ALX1: variants seen among roughly 807,000 people sequenced by gnomAD.
ALX1 encodes ALX homeobox protein 1.
Under a neutral mutation model 31.7 loss-of-function variants are expected in ALX1, and 19 were observed. The observed-to-expected ratio is 0.60, with a 90% CI of 0.42 to 0.88. The LOEUF is 0.88. ALX1 is among the 40% of genes least tolerant of loss of function. The pLI, the probability that ALX1 is intolerant of heterozygous loss-of-function variation, is 0.00. For synonymous variants in ALX1, 153 were observed against 148.8 expected (o/e 1.03, Z -0.20); for missense variants, 415 against 407.8 (o/e 1.02, Z -0.15).
chr12:85,287,447 T>C (rs934051083), intron 3 of ALX1, among the ~76,000 whole-genome samples: 2 of 149,504 alleles, frequency 1.3e-5, no homozygotes, highest in Admixed American at 6.6e-5. Context: ...GTGTCTCTTT[T>C]TCTATGTTTT....
At chr12:85,294,035 CAA>C (rs1338228448) in intron 3 of ALX1, among the ~76,000 whole-genome samples, 5 of 150,962 alleles carry the variant, frequency 3.3e-5, no homozygotes, top group Admixed American at 2.0e-4. Context: ...GTAGTTAATA[CAA>C]AGAGATGATG....
chr12:85,280,565 G>T, intron 1 of ALX1, 78 bp downstream of exon 1: 1 of 1,486,550 alleles, frequency 6.7e-7, no homozygotes, highest in African/African-American at 1.4e-5. Flanking sequence ...GATCAGGCAG[G>T]GAGGGAGAAA....
intron 3 of ALX1, among the ~76,000 whole-genome samples, chr12:85,292,767 A>T (rs976189533): frequency 1.3e-5 from 2 of 150,926 alleles, no homozygotes; most frequent in Non-Finnish European, 3.0e-5. Context: ...ATTAATCTTA[A>T]TGGTTGTCTT....
At chr12:85,284,831 A>C (rs926686408) in intron 2 of ALX1, among the ~76,000 whole-genome samples, 8 of 152,056 alleles carry the variant, frequency 5.3e-5, no homozygotes, top group Non-Finnish European at 1.2e-4. Context: ...GATTTTTGCA[A>C]TTCCCATAAA....
intron 3 of ALX1, among the ~76,000 whole-genome samples, chr12:85,289,781 T>C (rs552183502): frequency 8.6e-5 from 13 of 151,280 alleles, no homozygotes; most frequent in Admixed American, 4.0e-4. Flanking sequence ...CTTAAATATA[T>C]ACAAGATACT....
At chr12:85,291,627 T>C (rs1218760325) in intron 3 of ALX1, among the ~76,000 whole-genome samples, 1 of 151,218 alleles carries the variant, frequency 6.6e-6, no homozygotes, top group East Asian at 1.9e-4. Context: ...TTGACATTAT[T>C]ATCTAGATAG....
At position 85,292,849 on chromosome 12, in the gene ALX1, T is replaced by C. The variant is rs1896836156; in HGVS notation, c.660+5868T>C. Among the ~76,000 whole-genome samples the C allele has an allele frequency of 2.6e-5, 4 of 150,990 alleles. No homozygotes were observed. In the Admixed American group the frequency reaches 2.7e-4, roughly 10 times the overall value. On this transcript the variant is annotated intron_variant, in intron 3 of 3. Transcript: ENST00000316824. ...GTGGTTTATAATTAAAAGGCATTTG[T>C]AGCATTTTTTACCTTTGGAGAAAAT...
chr12:85,287,788 A>T (rs1896769008), intron 3 of ALX1, among the ~76,000 whole-genome samples: 1 of 151,504 alleles, frequency 6.6e-6, no homozygotes, highest in African/African-American at 2.4e-5. Flanking sequence ...ACATGATGAA[A>T]AAAAACCTAC....
intron 1 of ALX1, among the ~76,000 whole-genome samples, chr12:85,281,667 G>T (rs536367769): frequency 1.7e-4 from 26 of 152,040 alleles, no homozygotes; most frequent in Non-Finnish European, 2.9e-4. Context: ...CAAAAATAAA[G>T]GTGCAAATGA....
intron 1 of ALX1, among the ~76,000 whole-genome samples, chr12:85,283,040 A>G (rs560033559): frequency 6.6e-6 from 1 of 152,346 alleles, no homozygotes; most frequent in South Asian, 2.1e-4. Flanking sequence ...GAAATATTCA[A>G]AATTTAGTGG....
intron 2 of ALX1, among the ~76,000 whole-genome samples, chr12:85,284,984 T>C (rs902861915): frequency 1.4e-4 from 21 of 152,056 alleles, no homozygotes; most frequent in African/African-American, 4.3e-4. Context: ...AGATTTTTAC[T>C]TGAGTTTGTG....
At chr12:85,300,128 G>A (rs1230250152) in intron 3 of ALX1, among the ~76,000 whole-genome samples, 3 of 151,844 alleles carry the variant, frequency 2.0e-5, no homozygotes, top group East Asian at 3.9e-4. Context: ...TCCCAGTAAC[G>A]TATGGGGTTC....
intron 1 of ALX1, 57 bp from the exon 2 acceptor site, chr12:85,283,515 T>C (rs1394104369): frequency 1.9e-6 from 3 of 1,561,968 alleles, no homozygotes; most frequent in Non-Finnish European, 1.8e-6. Context: ...CTTATTGATT[T>C]AATTGAGATG....
chr12:85,297,638 A>G (rs1896907540), intron 3 of ALX1, among the ~76,000 whole-genome samples: 1 of 151,546 alleles, frequency 6.6e-6, no homozygotes, highest in South Asian at 2.1e-4. Context: ...TTTCATTTGG[A>G]AGGAAGTTGG....
intron 1 of ALX1, among the ~76,000 whole-genome samples, chr12:85,282,178 C>T (rs1182407818): frequency 1.3e-5 from 2 of 151,886 alleles, no homozygotes; most frequent in Admixed American, 6.6e-5. Context: ...TCAGTCATGG[C>T]TCTTCTTTAT....
Position 85,280,502 on chromosome 12 carries a change from C to T in ALX1, c.226+15C>T, listed in dbSNP as rs776678208. On this transcript the variant is annotated intron_variant, in intron 1 of 3. Transcript: ENST00000316824. Reference sequence around the variant, plus strand: ...GGACAGCAGCGGTGAGTCGCTAGCGCCCCAGCCGGAGCCGCCGCAGCCCTT... The same window carrying T: ...GGACAGCAGCGGTGAGTCGCTAGCGTCCCAGCCGGAGCCGCCGCAGCCCTT... The T allele has an allele frequency of 8.7e-6, 14 of 1,607,940 alleles. No homozygotes were observed. Among genetic ancestry groups the T allele is most frequent in the Non-Finnish European group, 1.2e-5 (14 of 1,179,088 alleles).
At chr12:85,295,533 G>A (rs1295459984) in intron 3 of ALX1, among the ~76,000 whole-genome samples, 1 of 151,480 alleles carries the variant, frequency 6.6e-6, no homozygotes, top group Non-Finnish European at 1.5e-5. Context: ...ATTAATAAAT[G>A]TAAACATTAT....
chr12:85,280,422 G>A lies in ALX1; in HGVS notation c.161G>A (p.Gly54Glu), dbSNP rs756389093. ...ASAGKCVQAF[G>E]PLPRAEHHVR... ...GCAGGCAAATGCGTGCAGGCCTTCG[G>A]ACCCCTGCCCCGCGCCGAGCATCAC... The change falls in exon 1 of 4, where the codon GGA (glycine) becomes GAA (glutamate). Residue 54 changes from glycine (G) to glutamate (E), a missense_variant. This residue lies in a region of ALX1 where 235 missense variants were observed against 208.9 expected (regional missense o/e 1.13). Transcript: ENST00000316824. 2.0e-5 allele frequency: 32 copies of A among 1,612,840 alleles called. 1 individual carries two copies. The South Asian group carries it at 3.3e-4, about 17-fold the overall frequency.
At chr12:85,280,560 G>C (rs1365639921) in intron 1 of ALX1, 73 bp downstream of exon 1, 9 of 1,499,380 alleles carry the variant, frequency 6.0e-6, no homozygotes, top group Non-Finnish European at 8.2e-6. Context: ...GGTCTGATCA[G>C]GCAGGGAGGG....
Sources: gnomAD v4.1 joint callset for allele counts (sites outside exome capture counted in the v4.1 genomes callset) on GRCh38, gnomAD v4.1.1 for gene constraint, gnomAD v4.1.1 regional missense constraint, MANE v1.5 for transcripts, NCBI Gene and HGNC (gene_info 2026-07-23, HGNC 2026-07-21) for gene names.